The following SPIDR variants were observed in gnomAD, a reference collection of about 807,000 sequenced individuals.
The protein encoded by SPIDR is DNA repair-scaffolding protein.
SPIDR carries 93 observed loss-of-function variants against 104.6 expected under a neutral mutation model. The observed-to-expected ratio is 0.89, with a 90% CI of 0.75 to 1.06. The LOEUF (loss-of-function observed/expected upper bound fraction) is 1.06, where lower values mean the gene tolerates loss of function less well. Among genes scored for constraint, SPIDR ranks in the 50% least tolerant of loss-of-function variants. The pLI, the probability that SPIDR is intolerant of heterozygous loss-of-function variation, is 0.00. For missense variants in SPIDR, 1,154 were observed against 1,111.2 expected (o/e 1.04, Z -0.55); for synonymous variants, 431 against 416.9 (o/e 1.03, Z -0.41).
At chr8:47,394,683 A>C (rs958098436) in intron 5 of SPIDR, among the ~76,000 whole-genome samples, 1 of 152,208 alleles carries the variant, frequency 6.6e-6, no homozygotes, top group Non-Finnish European at 1.5e-5. Flanking sequence ...TATGGTACTT[A>C]AGACATCTCA....
At chr8:47,331,989 CTT>C (rs1289524835) in intron 5 of SPIDR, among the ~76,000 whole-genome samples, 967 of 36,156 alleles carry the variant, frequency 0.027, 7 homozygotes, top group African/African-American at 0.084. Flanking sequence ...TTTTTTTTCT[CTT>C]TTTTTTTTTT....
intron 14 of SPIDR, among the ~76,000 whole-genome samples, chr8:47,705,791 C>G (rs1051062347): frequency 6.6e-6 from 1 of 152,012 alleles, no homozygotes; most frequent in African/African-American, 2.4e-5. Context: ...ATCATCTCAG[C>G]TACTTGGGAG....
chr8:47,690,324 A>G (rs1190975220), intron 11 of SPIDR, among the ~76,000 whole-genome samples: 1 of 152,138 alleles, frequency 6.6e-6, no homozygotes, highest in African/African-American at 2.4e-5. Flanking sequence ...TAATTTCCCA[A>G]TGAAGTAGAA....
chr8:47,496,341 A>T (rs538257647), intron 8 of SPIDR, among the ~76,000 whole-genome samples: 1 of 152,152 alleles, frequency 6.6e-6, no homozygotes, highest in African/African-American at 2.4e-5. Context: ...GCTTTTGTGG[A>T]TGCTGTTTGT....
At chr8:47,701,921 T>G (rs1455257896) in intron 13 of SPIDR, 35 bp from the exon 14 acceptor site, 67 of 1,614,178 alleles carry the variant, frequency 4.2e-5, no homozygotes, top group Non-Finnish European at 5.6e-5. Context: ...GTGTGCTTCG[T>G]GTAATGCTGC....
chr8:47,414,216 C>T (rs1328129513), intron 7 of SPIDR, among the ~76,000 whole-genome samples: 3 of 152,180 alleles, frequency 2.0e-5, no homozygotes, highest in East Asian at 1.9e-4. Context: ...ATTCACTAGG[C>T]GTTGTCATCC....
intron 5 of SPIDR, among the ~76,000 whole-genome samples, chr8:47,349,710 G>T (rs1401762472): frequency 1.3e-5 from 2 of 152,188 alleles, no homozygotes; most frequent in African/African-American, 4.8e-5. Context: ...CTGCCACCTC[G>T]CAGTTCTATC....
At chr8:47,685,073 G>A (rs1189515335) in intron 11 of SPIDR, among the ~76,000 whole-genome samples, 10 of 152,174 alleles carry the variant, frequency 6.6e-5, no homozygotes, top group Non-Finnish European at 7.3e-5. Context: ...ATAGCCGGGC[G>A]TGGTGGCAGA....
intron 10 of SPIDR, chr8:47,673,336 ATTG>A (rs1258745112): frequency 6.7e-6 from 3 of 449,714 alleles, no homozygotes; most frequent in African/African-American, 4.0e-5. Context: ...AATGCCTCTT[ATTG>A]TTGTTCTTAT....
chr8:47,653,852 TA>T, intron 10 of SPIDR: 1 of 445,740 alleles, frequency 2.2e-6, no homozygotes, highest in Non-Finnish European at 2.9e-6. Flanking sequence ...TGATGAGAAC[TA>T]AAAGACAAAA....
chr8:47,328,963 G>T (rs1371508754), intron 5 of SPIDR, among the ~76,000 whole-genome samples: 1 of 151,984 alleles, frequency 6.6e-6, no homozygotes, highest in Non-Finnish European at 1.5e-5. Flanking sequence ...CTAGAGTGCA[G>T]TGGCAGAATG....
chr8:47,692,588 C>G (rs1173027548), intron 11 of SPIDR, among the ~76,000 whole-genome samples: 1 of 149,552 alleles, frequency 6.7e-6, no homozygotes, highest in African/African-American at 2.5e-5. Context: ...ACCTCTGCCT[C>G]CTGGGTTCAA....
chr8:47,352,278 C>CAAAAAAA (rs35556300), intron 5 of SPIDR, among the ~76,000 whole-genome samples: 351 of 130,830 alleles, frequency 2.7e-3, no homozygotes, highest in African/African-American at 0.011. Flanking sequence ...TCCATCTCAA[C>CAAAAAAA]AAAAAAAAAA....
chr8:47,713,225 T>C, intron 15 of SPIDR: 1 of 600,926 alleles, frequency 1.7e-6, no homozygotes, highest in East Asian at 3.0e-5. Flanking sequence ...GCCTCAGCTA[T>C]CTTTTTTAAT....
chr8:47,389,331 T>A (rs1434891621), intron 5 of SPIDR, among the ~76,000 whole-genome samples: 1 of 152,194 alleles, frequency 6.6e-6, no homozygotes, highest in Non-Finnish European at 1.5e-5. Flanking sequence ...CAAATTTAAA[T>A]CTTTGTTCTT....
intron 10 of SPIDR, among the ~76,000 whole-genome samples, chr8:47,649,865 T>A (rs571532377): frequency 6.6e-6 from 1 of 152,206 alleles, no homozygotes. Context: ...AATCATATGA[T>A]CATTTTAATA....
intron 8 of SPIDR, among the ~76,000 whole-genome samples, chr8:47,485,653 AAGC>A (rs2077487175): frequency 6.6e-6 from 1 of 152,114 alleles, no homozygotes; most frequent in Non-Finnish European, 1.5e-5. Flanking sequence ...CTCTGAGACA[AAGC>A]TTCCAGAGGA....
At chr8:47,367,548 A>G (rs2057384440) in intron 5 of SPIDR, among the ~76,000 whole-genome samples, 1 of 152,226 alleles carries the variant, frequency 6.6e-6, no homozygotes, top group South Asian at 2.1e-4. Context: ...TTTTTGAACA[A>G]CAGTTGAAAG....
At chr8:47,322,599 A>C (rs978718547) in intron 5 of SPIDR, among the ~76,000 whole-genome samples, 1 of 152,338 alleles carries the variant, frequency 6.6e-6, no homozygotes, top group African/African-American at 2.4e-5. Context: ...TATATACCCA[A>C]AGGATTATAA....
Sources: gnomAD v4.1 joint callset for allele counts (sites outside exome capture counted in the v4.1 genomes callset) on GRCh38, gnomAD v4.1.1 for gene constraint, MANE v1.5 for transcripts, NCBI Gene and HGNC (gene_info 2026-07-23, HGNC 2026-07-21) for gene names.